The following TRIM5 variants were observed in gnomAD, a reference collection of about 807,000 sequenced individuals.
The protein encoded by TRIM5 is tripartite motif-containing protein 5.
A neutral mutation model predicts 35.6 loss-of-function variants in TRIM5; 31 were observed. The ratio of observed to expected loss-of-function variants is 0.87; its 90% CI spans 0.65 to 1.18. TRIM5 has a LOEUF of 1.18. Among genes scored for constraint, TRIM5 ranks in the 50% most tolerant of loss-of-function variants. TRIM5 has a pLI of 0.00. For missense variants in TRIM5, 609 were observed against 591.6 expected, an observed-to-expected ratio of 1.03 and a Z score of -0.31; for synonymous variants, 243 against 215.6, an observed-to-expected ratio of 1.13 and a Z score of -1.11.
At chr11:5,588,835 G>A in the TRIM5 span, 1 of 150,806 alleles carries the variant, frequency 6.6e-6, no homozygotes, top group South Asian at 2.1e-4. Context: ...CCAGGCTGGA[G>A]TGCAGTGGTG....
At chr11:5,636,446 G>A in the TRIM5 span, among the ~76,000 whole-genome samples, 2 of 152,120 alleles carry the variant, frequency 1.3e-5, no homozygotes, top group African/African-American at 2.4e-5. Flanking sequence ...GTGCAATGAC[G>A]GTTGCACTAC....
chr11:5,632,197 C>A, the TRIM5 span: 26 of 1,520,554 alleles, frequency 1.7e-5, no homozygotes, highest in South Asian at 2.9e-4. Flanking sequence ...ATTGTCTGTG[C>A]AATTAGAATG....
At chr11:5,639,822 C>CT in the TRIM5 span, among the ~76,000 whole-genome samples, 1 of 150,326 alleles carries the variant, frequency 6.7e-6, no homozygotes, top group African/African-American at 2.4e-5. Context: ...AATATAGAAG[C>CT]TTTTTTAAAA....
the TRIM5 span, among the ~76,000 whole-genome samples, chr11:5,627,969 A>G: frequency 3.0e-3 from 454 of 152,312 alleles, 1 homozygote; most frequent in African/African-American, 1.0e-2. Flanking sequence ...ACTCAAATGA[A>G]GGGTATAATC....
At chr11:5,634,956 G>T in the TRIM5 span, 1 of 1,375,930 alleles carries the variant, frequency 7.3e-7, no homozygotes. Context: ...GGGTTTCTTT[G>T]GCCTTGCAGT....
the TRIM5 span, among the ~76,000 whole-genome samples, chr11:5,641,542 G>T: frequency 6.6e-6 from 1 of 152,164 alleles, no homozygotes; most frequent in Non-Finnish European, 1.5e-5. Context: ...CATACACATG[G>T]AGGGCCTTGT....
chr11:5,644,933 A>T, the TRIM5 span, among the ~76,000 whole-genome samples: 1 of 152,076 alleles, frequency 6.6e-6, no homozygotes, highest in Non-Finnish European at 1.5e-5. Context: ...TTCTTGGGAG[A>T]TCTGGTTATT....
At chr11:5,591,620 C>G in the TRIM5 span, among the ~76,000 whole-genome samples, 3 of 151,780 alleles carry the variant, frequency 2.0e-5, no homozygotes, top group African/African-American at 7.3e-5. Flanking sequence ...TGCACTCCAG[C>G]CTGGGCAAAA....
At chr11:5,671,502 A>G (rs1165682253) in intron 4 of TRIM5, among the ~76,000 whole-genome samples, 1 of 152,104 alleles carries the variant, frequency 6.6e-6, no homozygotes, top group Non-Finnish European at 1.5e-5. Flanking sequence ...GATAGAAATG[A>G]TAAGGAAATA....
At chr11:5,605,704 T>A in the TRIM5 span, 5 of 1,070,320 alleles carry the variant, frequency 4.7e-6, no homozygotes, top group Non-Finnish European at 6.5e-6. Flanking sequence ...GCCTATCCCC[T>A]ATTAAACTGT....
chr11:5,589,689 T>G, the TRIM5 span: 1 of 153,444 alleles, frequency 6.5e-6, no homozygotes, highest in Non-Finnish European at 1.4e-5. Flanking sequence ...ATAGGAATGG[T>G]CTACTTGTGA....
the TRIM5 span, chr11:5,642,743 T>C: frequency 1.3e-6 from 2 of 1,591,726 alleles, no homozygotes; most frequent in East Asian, 4.5e-5. Flanking sequence ...CTGTCCCTAC[T>C]CTAAAGAATA....
intron 1 of TRIM5, among the ~76,000 whole-genome samples, chr11:5,683,297 A>G (rs1445922808): frequency 1.3e-5 from 2 of 152,208 alleles, no homozygotes; most frequent in African/African-American, 4.8e-5. Context: ...GGTGCGTGGC[A>G]TGGCACAGGA....
the TRIM5 span, among the ~76,000 whole-genome samples, chr11:5,592,900 G>C: frequency 2.4e-5 from 3 of 127,516 alleles, no homozygotes; most frequent in African/African-American, 9.1e-5. Context: ...CTGGGCAACA[G>C]AGTGAGATTG....
chr11:5,606,617 A>C, the TRIM5 span, among the ~76,000 whole-genome samples: 2 of 151,646 alleles, frequency 1.3e-5, no homozygotes, highest in Non-Finnish European at 2.9e-5. Context: ...TTGCATCTTC[A>C]TTTTATTCTT....
At chr11:5,683,328 C>T (rs540649282) in intron 1 of TRIM5, among the ~76,000 whole-genome samples, 6 of 152,186 alleles carry the variant, frequency 3.9e-5, no homozygotes, top group South Asian at 2.1e-4. Flanking sequence ...GCTCCACCTG[C>T]GGCCCGGTGC....
At chr11:5,657,441 C>A in the TRIM5 span, among the ~76,000 whole-genome samples, 2 of 144,366 alleles carry the variant, frequency 1.4e-5, no homozygotes, top group African/African-American at 5.2e-5. Flanking sequence ...CACATGTATC[C>A]CAGAACTTAA....
chr11:5,605,400 G>A, the TRIM5 span: 1 of 1,614,172 alleles, frequency 6.2e-7, no homozygotes, highest in South Asian at 1.1e-5. Flanking sequence ...AAATATCCTA[G>A]ACAGAGTGGA....
the TRIM5 span, chr11:5,624,873 C>G: frequency 1.3e-5 from 2 of 152,244 alleles, no homozygotes; most frequent in Non-Finnish European, 2.9e-5. Flanking sequence ...TTCACCTAGA[C>G]GCTCCTTCCC....
Sources: allele counts gnomAD v4.1 joint callset (sites outside exome capture counted in the v4.1 genomes callset), GRCh38; gene constraint gnomAD v4.1.1; transcripts MANE v1.5; gene names NCBI Gene and HGNC (gene_info 2026-07-23, HGNC 2026-07-21).